Variants in REC114 observed in about 807,000 individuals in gnomAD.
The protein encoded by REC114 is meiotic recombination protein REC114.
In REC114, 27 loss-of-function variants were observed where a neutral mutation model predicts 31.3. That is an observed-to-expected ratio of 0.86 (90% CI 0.64 to 1.19). The LOEUF (loss-of-function observed/expected upper bound fraction) is 1.19. Ranked by LOEUF, REC114 falls within the 50% of genes most tolerant of loss-of-function variation. REC114 has a pLI of 0.00. For synonymous variants in REC114, 134 were observed against 127.7 expected, an observed-to-expected ratio of 1.05 and a Z score of -0.33; for missense variants, 344 against 326.9, an observed-to-expected ratio of 1.05 and a Z score of -0.40.
At chr15:73,546,161 C>T (rs1566949178) in intron 3 of REC114, among the ~76,000 whole-genome samples, 1 of 151,860 alleles carries the variant, frequency 6.6e-6, no homozygotes, top group Non-Finnish European at 1.5e-5. Context: ...GTCAACCTCA[C>T]TTGTAATCAA....
intron 1 of REC114, among the ~76,000 whole-genome samples, chr15:73,459,634 A>T (rs753700269): frequency 7.9e-5 from 12 of 152,190 alleles, no homozygotes; most frequent in Non-Finnish European, 1.8e-4. Context: ...TGTTCACCAA[A>T]TATGCTCAGA....
At chr15:73,506,395 G>C (rs1458341250) in intron 2 of REC114, among the ~76,000 whole-genome samples, 10 of 152,226 alleles carry the variant, frequency 6.6e-5, no homozygotes, top group Admixed American at 5.9e-4. Context: ...TAACTCAGCT[G>C]GTTCACTGTG....
chr15:73,556,243 C>A (rs761703087), intron 4 of REC114, 59 bp from the exon 5 acceptor site: 6 of 1,420,588 alleles, frequency 4.2e-6, no homozygotes, highest in Middle Eastern at 3.6e-4. Flanking sequence ...TCTTTAATGG[C>A]CTTTGGTATT....
In REC114 at chr15:73,559,816, T is replaced by C; in HGVS notation, c.701T>C (p.Leu234Ser). 6.2e-7 allele frequency: 1 copy of C among 1,613,052 alleles called. No homozygotes were observed. The highest frequency in any genetic ancestry group is 8.5e-7 in the Non-Finnish European group (1 of 1,179,550). The change falls in exon 6 of 6, where the codon TTA becomes TCA. Residue 234 changes from leucine (L) to serine (S), a missense_variant. By Grantham distance (145) the Leu-to-Ser change is moderately radical. Coordinates refer to ENST00000331090, the MANE Select transcript of REC114 (RefSeq NM_001042367.2). ...YEQSAWGAEE[L>S]GPFLRLCLMD... ...CAATCTGCATGGGGTGCAGAAGAGT[T>C]AGGCCCCTTCCTACGTTTGTGCCTT...
intron 1 of REC114, among the ~76,000 whole-genome samples, chr15:73,444,332 T>C (rs1274737287): frequency 1.3e-5 from 2 of 152,250 alleles, no homozygotes; most frequent in Admixed American, 6.5e-5. Flanking sequence ...CCTTTCAAAA[T>C]TGGAGTTAAT....
intron 2 of REC114, among the ~76,000 whole-genome samples, chr15:73,491,824 T>C (rs558035937): frequency 2.0e-5 from 3 of 152,008 alleles, no homozygotes; most frequent in Non-Finnish European, 4.4e-5. Flanking sequence ...CGCTTGAACC[T>C]GGGAGGCGGA....
At chr15:73,545,699 A>G (rs544142339) in intron 3 of REC114, among the ~76,000 whole-genome samples, 4 of 152,344 alleles carry the variant, frequency 2.6e-5, no homozygotes, top group South Asian at 2.1e-4. Context: ...ACTGATTATT[A>G]TATACATTCA....
At position 73,540,560 on chromosome 15, in the gene REC114, A is replaced by G; in HGVS notation, c.325A>G (p.Thr109Ala). 6.2e-7 allele frequency: 1 copy of G among 1,612,424 alleles called. No homozygotes were observed. Among genetic ancestry groups the G allele is most frequent in the Non-Finnish European group, 8.5e-7 (1 of 1,178,474 alleles). ...CGTGGATTGTCTGTTGTTTGGAACA[A>G]CGATAAAGGCAAGATTTAAGCTAAT... ...RRVDCLLFGTTIKDKSRLFRV... is the reference protein window; with the variant it reads ...RRVDCLLFGTAIKDKSRLFRV... The change falls in exon 3 of 6, where the codon ACG becomes GCG. Residue 109 changes from threonine (T) to alanine (A), a missense_variant. Physicochemically the swap from Thr to Ala is moderately conservative, Grantham distance 58. Transcript: ENST00000331090.
chr15:73,491,743 T>A (rs1291399379), intron 2 of REC114, among the ~76,000 whole-genome samples: 1 of 151,950 alleles, frequency 6.6e-6, no homozygotes, highest in Admixed American at 6.6e-5. Flanking sequence ...ACAAAAAAAA[T>A]TTAAAAATTA....
chr15:73,445,399 A>G (rs1892751092), intron 1 of REC114, among the ~76,000 whole-genome samples: 1 of 152,262 alleles, frequency 6.6e-6, no homozygotes, highest in Non-Finnish European at 1.5e-5. Flanking sequence ...CCATTTCAGC[A>G]ATAAGGCTAT....
intron 2 of REC114, among the ~76,000 whole-genome samples, chr15:73,486,975 C>T (rs927831255): frequency 1.3e-4 from 20 of 151,712 alleles, no homozygotes; most frequent in African/African-American, 1.5e-4. Context: ...GAGCCGAGAT[C>T]GCACCATTGC....
chr15:73,467,668 C>G (rs915769132), intron 1 of REC114, among the ~76,000 whole-genome samples: 1 of 152,138 alleles, frequency 6.6e-6, no homozygotes, highest in Admixed American at 6.5e-5. Context: ...TGGACTCTTG[C>G]ATTTCTTGAA....
At chr15:73,503,402 T>A (rs1183468815) in intron 2 of REC114, among the ~76,000 whole-genome samples, 1 of 152,190 alleles carries the variant, frequency 6.6e-6, no homozygotes, top group Non-Finnish European at 1.5e-5. Context: ...TAAATCTGAC[T>A]TAAATTTTTT....
intron 1 of REC114, among the ~76,000 whole-genome samples, chr15:73,455,516 A>G (rs1160683978): frequency 1.3e-5 from 2 of 152,132 alleles, no homozygotes; most frequent in Admixed American, 1.3e-4. Context: ...TCAACTCAAG[A>G]GAAAAAATGA....
intron 2 of REC114, among the ~76,000 whole-genome samples, chr15:73,520,595 T>A (rs1230568831): frequency 2.0e-5 from 3 of 152,104 alleles, no homozygotes; most frequent in Non-Finnish European, 2.9e-5. Flanking sequence ...GTTGAATTTG[T>A]TAGAAGATGT....
chr15:73,515,653 C>CT (rs1893849033), intron 2 of REC114, among the ~76,000 whole-genome samples: 1 of 152,106 alleles, frequency 6.6e-6, no homozygotes. Context: ...ATCTCTCTCC[C>CT]TTCTCTTGGT....
intron 2 of REC114, among the ~76,000 whole-genome samples, chr15:73,506,823 AC>A (rs1228867827): frequency 5.3e-5 from 8 of 152,220 alleles, no homozygotes; most frequent in Non-Finnish European, 2.9e-5. Flanking sequence ...TTGTGTGCTG[AC>A]ATTCTGGCCT....
At chr15:73,495,819 T>C (rs541294866) in intron 2 of REC114, among the ~76,000 whole-genome samples, 73 of 152,282 alleles carry the variant, frequency 4.8e-4, no homozygotes, top group Non-Finnish European at 9.6e-4. Flanking sequence ...AAAATTGTTA[T>C]TTTTTATATC....
At chr15:73,542,961 T>TTTA (rs1555404584) in intron 3 of REC114, among the ~76,000 whole-genome samples, 46 of 151,028 alleles carry the variant, frequency 3.0e-4, no homozygotes, top group Middle Eastern at 3.4e-3. Flanking sequence ...TTTTTTTTTT[T>TTTA]TATATAAATT....
Sources: allele counts gnomAD v4.1 joint callset (sites outside exome capture counted in the v4.1 genomes callset), GRCh38; gene constraint gnomAD v4.1.1; transcripts MANE v1.5; gene names NCBI Gene and HGNC (gene_info 2026-07-23, HGNC 2026-07-21).